Variants in ESR1 observed in about 807,000 individuals in gnomAD.
ESR1 encodes estrogen receptor.
Under a neutral mutation model 52.7 loss-of-function variants are expected in ESR1, and 12 were observed. The observed-to-expected ratio is 0.23, with a 90% CI of 0.15 to 0.37. The LOEUF (loss-of-function observed/expected upper bound fraction) is 0.37, where lower values mean the gene tolerates loss of function less well. Among genes scored for constraint, ESR1 ranks in the 10% least tolerant of loss-of-function variants. ESR1 has a pLI of 1.00. For missense variants in ESR1, 584 were observed against 779.7 expected (o/e 0.75, Z 2.99); for synonymous variants, 305 against 316.8 (o/e 0.96, Z 0.39).
intron 2 of ESR1, among the ~76,000 whole-genome samples, chr6:151,783,953 A>G (rs79177909): frequency 0.12 from 18,954 of 152,200 alleles, 1,410 homozygotes; most frequent in Non-Finnish European, 0.15. Context: ...CTCATGATTA[A>G]CTTGGTATTA....
At chr6:151,757,953 G>GT (rs1156560045) in intron 2 of ESR1, among the ~76,000 whole-genome samples, 1 of 152,184 alleles carries the variant, frequency 6.6e-6, no homozygotes, top group African/African-American at 2.4e-5. Flanking sequence ...ATGTACGGGA[G>GT]TATTTACCTT....
At chr6:151,989,470 A>G (rs1411713879) in intron 4 of ESR1, among the ~76,000 whole-genome samples, 6 of 151,404 alleles carry the variant, frequency 4.0e-5, no homozygotes, top group African/African-American at 1.5e-4. Context: ...ATTAACTTCA[A>G]AAGTATTTAA....
chr6:152,052,840 A>G (rs2046796860), intron 5 of ESR1, among the ~76,000 whole-genome samples: 1 of 152,098 alleles, frequency 6.6e-6, no homozygotes, highest in Admixed American at 6.5e-5. Flanking sequence ...CTTTGTTCAC[A>G]AGTATCCTGC....
At chr6:151,732,462 C>A (rs1044697643) in intron 2 of ESR1, among the ~76,000 whole-genome samples, 2 of 151,770 alleles carry the variant, frequency 1.3e-5, no homozygotes, top group Non-Finnish European at 2.9e-5. Context: ...AACACTATTT[C>A]TTTGATGAAA....
intron 4 of ESR1, among the ~76,000 whole-genome samples, chr6:151,948,221 C>T (rs2035931214): frequency 6.6e-6 from 1 of 151,952 alleles, no homozygotes; most frequent in African/African-American, 2.4e-5. Context: ...GTTTTTTTCC[C>T]CAGAAGCTTG....
At chr6:151,662,406 G>T (rs745408871) in intron 1 of ESR1, among the ~76,000 whole-genome samples, 3 of 152,086 alleles carry the variant, frequency 2.0e-5, no homozygotes, top group African/African-American at 2.4e-5. Flanking sequence ...AATGGGGCAG[G>T]TACCATTATT....
chr6:151,984,102 A>ACTATT (rs2040233898), intron 4 of ESR1: 1 of 152,140 alleles, frequency 6.6e-6, no homozygotes, highest in South Asian at 2.1e-4. Flanking sequence ...GATTCTCAAG[A>ACTATT]CTATTCTCCA....
intron 1 of ESR1, among the ~76,000 whole-genome samples, chr6:151,682,292 G>A (rs760815499): frequency 3.3e-5 from 5 of 152,184 alleles, no homozygotes; most frequent in African/African-American, 7.2e-5. Context: ...GCTATTCCAG[G>A]TGCTCAGGTT....
intron 1 of ESR1, among the ~76,000 whole-genome samples, chr6:151,811,745 A>T (rs1195184378): frequency 6.6e-6 from 1 of 152,106 alleles, no homozygotes; most frequent in East Asian, 1.9e-4. Context: ...ATTAATTTAA[A>T]TTGTTACTGA....
At chr6:152,034,824 TG>T (rs2045135299) in intron 5 of ESR1, among the ~76,000 whole-genome samples, 2 of 152,182 alleles carry the variant, frequency 1.3e-5, no homozygotes, top group Non-Finnish European at 2.9e-5. Flanking sequence ...AAGCTAAAAA[TG>T]GGTACAAGCA....
intron 5 of ESR1, among the ~76,000 whole-genome samples, chr6:152,040,670 G>A (rs1305165890): frequency 6.6e-6 from 1 of 152,212 alleles, no homozygotes; most frequent in Non-Finnish European, 1.5e-5. Context: ...CTTCACTGCT[G>A]CCCTTCAGGG....
chr6:151,772,238 G>A (rs548224118), intron 2 of ESR1, among the ~76,000 whole-genome samples: 1 of 152,242 alleles, frequency 6.6e-6, no homozygotes, highest in African/African-American at 2.4e-5. Flanking sequence ...ACCTGTAGGG[G>A]TCTCAGTTGT....
chr6:151,679,303 TTCTTC>T (rs1312332046), intron 1 of ESR1, among the ~76,000 whole-genome samples: 20 of 152,168 alleles, frequency 1.3e-4, no homozygotes, highest in African/African-American at 4.1e-4. Context: ...GTGGCCTGTT[TTCTTC>T]TCTTAACATG....
intron 4 of ESR1, among the ~76,000 whole-genome samples, chr6:151,953,613 C>G (rs775029202): frequency 6.6e-6 from 1 of 151,778 alleles, no homozygotes; most frequent in South Asian, 2.1e-4. Flanking sequence ...CCCAGCTACT[C>G]GGGAGGCTGA....
rs1453678758 is a variant in ESR1 at position 152,011,750 on chromosome 6, G to C, written c.1191G>C (p.Glu397Asp). ...LMIGLVWRSM[E>D]HPGKLLFAPN... The stretch of plus-strand genomic sequence containing the variant: ...TTGGTCTCGTCTGGCGCTCCATGGA[G>C]CACCCAGGGAAGCTACTGTTTGCTC... Residue 397 changes from glutamate (E) to aspartate (D), a missense_variant, in exon 5 of 8, where the codon GAG (glutamate) becomes GAC (aspartate). By Grantham distance (45) the Glu-to-Asp change is conservative (BLOSUM62 2). This residue lies in a region of ESR1 where 141 missense variants were observed against 289.3 expected (regional missense o/e 0.49). Coordinates refer to ENST00000206249, the MANE Select transcript of ESR1 (RefSeq NM_000125.4). 6.2e-7 allele frequency: 1 copy of C among 1,613,286 alleles called. No homozygotes were observed. The highest frequency in any genetic ancestry group is 1.1e-5 in the South Asian group (1 of 91,056).
intron 6 of ESR1, among the ~76,000 whole-genome samples, chr6:152,092,877 A>G (rs2152492184): frequency 6.6e-6 from 1 of 152,204 alleles, no homozygotes; most frequent in East Asian, 1.9e-4. Flanking sequence ...TTTCAGTTAT[A>G]AGCGACAGAA....
At position 151,862,596 on chromosome 6, in the gene ESR1, A is replaced by G. The variant is rs1256729570; in HGVS notation, c.644-18059A>G. ...TTGGGTGAGCTGAAAGCCAAGGGCA[A>G]TTGGCCCAGCTTGGGGAGGAGAGTT... On this transcript the variant is annotated intron_variant, in intron 2 of 7. Transcript: ENST00000206249. 5.3e-5 allele frequency among the ~76,000 whole-genome samples: 8 copies of G among 152,330 alleles called. 1 individual carries two copies. The South Asian group carries it at 1.4e-3, about 28-fold the overall frequency.
chr6:151,677,022 T>C (rs976832735), intron 1 of ESR1, among the ~76,000 whole-genome samples: 7 of 152,162 alleles, frequency 4.6e-5, no homozygotes, highest in Admixed American at 1.3e-4. Context: ...TCTTTATACA[T>C]ATATATCCAT....
chr6:152,117,518 C>G (rs2051224271), intron 6 of ESR1, among the ~76,000 whole-genome samples: 1 of 152,180 alleles, frequency 6.6e-6, no homozygotes, highest in South Asian at 2.1e-4. Flanking sequence ...TATTAGGTAA[C>G]AGGTTAAGCA....
Sources: allele counts gnomAD v4.1 joint callset (sites outside exome capture counted in the v4.1 genomes callset), GRCh38; gene constraint gnomAD v4.1.1; regional missense constraint gnomAD v4.1.1; transcripts MANE v1.5; gene names NCBI Gene and HGNC (gene_info 2026-07-23, HGNC 2026-07-21).